UBAC2: variants seen among roughly 807,000 people sequenced by gnomAD.
The protein encoded by UBAC2 is UBA domain containing 2.
In UBAC2, 26 loss-of-function variants were observed where a neutral mutation model predicts 44.0. That is an observed-to-expected ratio of 0.59 (90% CI 0.43 to 0.82). The LOEUF (loss-of-function observed/expected upper bound fraction) is 0.82, where lower values mean the gene tolerates loss of function less well. Ranked by LOEUF, UBAC2 falls within the 40% of genes least tolerant of loss-of-function variation. The pLI, the probability that UBAC2 is intolerant of heterozygous loss-of-function variation, is 0.00. For synonymous variants in UBAC2, 155 were observed against 154.3 expected (o/e 1.00, Z -0.04); for missense variants, 329 against 419.4 (o/e 0.78, Z 1.88).
chr13:99,315,959 GCAAAAACTGCAGTTACTTTTCCA>G (rs1195448974), intron 5 of UBAC2, among the ~76,000 whole-genome samples: 2 of 151,518 alleles, frequency 1.3e-5, no homozygotes, highest in African/African-American at 4.9e-5. Flanking sequence ...TTAAAGTAAG[GCAAAAACTGCAGTTACTTTTCCA>G]CCAACCTAAT....
At chr13:99,340,188 CT>C in intron 6 of UBAC2, 131 bp from the exon 7 acceptor site, 1 of 937,876 alleles carries the variant, frequency 1.1e-6, no homozygotes, top group Non-Finnish European at 1.6e-6. Flanking sequence ...GAGGATTTTG[CT>C]TATTGCCTAA....
At chr13:99,292,412 G>T (rs913106994) in intron 4 of UBAC2, among the ~76,000 whole-genome samples, 6 of 152,158 alleles carry the variant, frequency 3.9e-5, no homozygotes, top group African/African-American at 1.2e-4. Context: ...AAAGTGCAGG[G>T]ATTACAGGCA....
At chr13:99,219,943 TTTG>T (rs1178083138) in intron 1 of UBAC2, among the ~76,000 whole-genome samples, 1 of 152,256 alleles carries the variant, frequency 6.6e-6, no homozygotes, top group African/African-American at 2.4e-5. Context: ...GGATATACAT[TTTG>T]TTCATTTGTT....
intron 4 of UBAC2, chr13:99,256,604 A>C (rs1036314677): frequency 1.3e-5 from 2 of 152,038 alleles, no homozygotes; most frequent in African/African-American, 2.4e-5. Context: ...AAATTTTAAC[A>C]ATTTTCAAAG....
rs532260186 is a variant in UBAC2 at position 99,215,732 on chromosome 13, G to C, written c.31+14793G>C. 1.8e-4 allele frequency: 263 copies of C among 1,480,336 alleles called. No individual in the cohort carries two copies. The African/African-American group carries it at 3.4e-3, about 19-fold the overall frequency. The allele number at this position is 1,480,336 out of a possible 1,614,324, so 91.7% of individuals were successfully genotyped here. On this transcript the variant is annotated intron_variant, in intron 1 of 8. Coordinates refer to ENST00000403766, the MANE Select transcript of UBAC2 (RefSeq NM_001144072.2). ...CCGCCTTTGTCTTGGCCTTTCCGGA[G>C]TCCTTCCCAGCCTTACCGTCAGCCA...
chr13:99,344,044 C>A (rs377300076), intron 7 of UBAC2, among the ~76,000 whole-genome samples: 14 of 152,310 alleles, frequency 9.2e-5, no homozygotes, highest in African/African-American at 3.4e-4. Flanking sequence ...GTCTCTCTTG[C>A]AGAATTAGCA....
chr13:99,346,304 C>T (rs1287329885), intron 7 of UBAC2, among the ~76,000 whole-genome samples: 2 of 152,174 alleles, frequency 1.3e-5, no homozygotes, highest in Admixed American at 6.5e-5. Flanking sequence ...TCTCCATCAC[C>T]GACTGCCTCC....
intron 1 of UBAC2, among the ~76,000 whole-genome samples, chr13:99,232,143 T>A (rs539311438): frequency 1.2e-4 from 18 of 152,232 alleles, no homozygotes; most frequent in Admixed American, 2.6e-4. Context: ...TAGAAGTGTG[T>A]ATCTATGGGA....
At chr13:99,334,320 G>A (rs931808518) in intron 6 of UBAC2, among the ~76,000 whole-genome samples, 2 of 152,180 alleles carry the variant, frequency 1.3e-5, no homozygotes, top group Non-Finnish European at 2.9e-5. Context: ...TAACGCAGTG[G>A]ATGGGAAGAC....
At chr13:99,323,381 G>A (rs760178958) in intron 6 of UBAC2, among the ~76,000 whole-genome samples, 22 of 152,108 alleles carry the variant, frequency 1.4e-4, no homozygotes, top group Non-Finnish European at 2.8e-4. Flanking sequence ...CAGGTGGATC[G>A]CTTGAGCCCA....
chr13:99,242,802 C>T, intron 2 of UBAC2, among the ~76,000 whole-genome samples: 5 of 146,830 alleles, frequency 3.4e-5, no homozygotes, highest in Non-Finnish European at 6.0e-5. Flanking sequence ...GACGGGGTGG[C>T]TGCCGGGCGG....
At chr13:99,367,619 T>G (rs962483266) in intron 7 of UBAC2, among the ~76,000 whole-genome samples, 168 bp from the exon 8 acceptor site, 3 of 152,246 alleles carry the variant, frequency 2.0e-5, no homozygotes, top group Non-Finnish European at 4.4e-5. Flanking sequence ...TGCTATTGAC[T>G]GAAGGATGTT....
chr13:99,367,658 A>T, intron 7 of UBAC2, 129 bp from the exon 8 acceptor site: 1 of 1,297,538 alleles, frequency 7.7e-7, no homozygotes, highest in Non-Finnish European at 1.1e-6. Context: ...AATTGCTTGC[A>T]TAGAGCGGAT....
chr13:99,261,599 C>A (rs1022399166), intron 4 of UBAC2: 1 of 152,170 alleles, frequency 6.6e-6, no homozygotes, highest in African/African-American at 2.4e-5. Flanking sequence ...GATGTATAGA[C>A]ATGTAGACAT....
chr13:99,203,991 A>G (rs1307674293), intron 1 of UBAC2, among the ~76,000 whole-genome samples: 4 of 152,198 alleles, frequency 2.6e-5, no homozygotes, highest in African/African-American at 9.6e-5. Flanking sequence ...ATTAGTGATC[A>G]TGACTTATTT....
chr13:99,237,271 T>TACACACACACAC lies in UBAC2; in HGVS notation c.32-1140_32-1129dup, dbSNP rs57466771. Among the ~76,000 whole-genome samples, 869 of 144,990 alleles carry TACACACACACAC rather than the reference T, an allele frequency of 6.0e-3. 4 individuals carry two copies. The highest frequency in any genetic ancestry group is 9.2e-3 in the East Asian group (45 of 4,912). On this transcript the variant is annotated intron_variant, in intron 1 of 8. Coordinates refer to ENST00000403766, the MANE Select transcript of UBAC2 (RefSeq NM_001144072.2). Reference sequence around the variant, plus strand: ...TTTTATGCGTATATATATATATATATACACACACACACACACACACACACA... The same window carrying TACACACACACAC: ...TTTTATGCGTATATATATATATATATACACACACACACACACACACACACACACACACACACA...
At chr13:99,275,378 A>G (rs2043868917) in intron 4 of UBAC2, among the ~76,000 whole-genome samples, 1 of 152,162 alleles carries the variant, frequency 6.6e-6, no homozygotes. Context: ...AGTCCTTTTA[A>G]TTTTAGTCAT....
chr13:99,204,839 G>C (rs2042848661), intron 1 of UBAC2, among the ~76,000 whole-genome samples: 1 of 151,636 alleles, frequency 6.6e-6, no homozygotes, highest in Non-Finnish European at 1.5e-5. Flanking sequence ...TCTCGGTTCT[G>C]AGAATCAAGA....
intron 4 of UBAC2, among the ~76,000 whole-genome samples, chr13:99,264,480 T>G (rs952286688): frequency 2.6e-5 from 4 of 152,258 alleles, no homozygotes; most frequent in Non-Finnish European, 5.9e-5. Context: ...GCACTAGTTC[T>G]CTTGGCTTCG....
Sources: allele counts gnomAD v4.1 joint callset (sites outside exome capture counted in the v4.1 genomes callset), GRCh38; gene constraint gnomAD v4.1.1; transcripts MANE v1.5; gene names NCBI Gene and HGNC (gene_info 2026-07-23, HGNC 2026-07-21).